TSPEAR: variants seen among roughly 807,000 people sequenced by gnomAD.
TSPEAR encodes thrombospondin type laminin G domain and EAR repeats.
TSPEAR carries 69 observed loss-of-function variants against 71.6 expected under a neutral mutation model. The observed-to-expected ratio is 0.96, with a 90% CI of 0.79 to 1.18. TSPEAR has a LOEUF of 1.18. Among genes scored for constraint, TSPEAR ranks in the 50% most tolerant of loss-of-function variants. The pLI is 0.00. For synonymous variants in TSPEAR, 402 were observed against 387.2 expected (o/e 1.04, Z -0.45); for missense variants, 971 against 894.9 (o/e 1.09, Z -1.09).
intron 1 of TSPEAR, among the ~76,000 whole-genome samples, chr21:44,616,039 G>C (rs1982071094): frequency 6.6e-6 from 1 of 152,210 alleles, no homozygotes; most frequent in Non-Finnish European, 1.5e-5. Context: ...AGGCCACACA[G>C]AGAAGACCAC....
At chr21:44,654,249 C>G in intron 1 of TSPEAR, 3 of 1,588,940 alleles carry the variant, frequency 1.9e-6, no homozygotes, top group Non-Finnish European at 2.6e-6. Context: ...GACCTCGCAC[C>G]TACGAGGGTC....
intron 1 of TSPEAR, chr21:44,601,750 T>C (rs1555928912): frequency 1.2e-6 from 2 of 1,600,526 alleles, no homozygotes; most frequent in Admixed American, 3.4e-5. Context: ...CTCCTTAAGA[T>C]CATCCAAAGC....
rs1315663681 is a variant in TSPEAR at position 44,628,117 on chromosome 21, C to T, written c.83-60112G>A. On this transcript the variant is annotated intron_variant, in intron 1 of 11. Coordinates refer to ENST00000323084, the MANE Select transcript of TSPEAR (RefSeq NM_144991.3). ...CCCTGCCAGTCCTTGGACCTCCCAGCCCACCCAGCCTCAGCACAGCTCAAC... is the reference window on the plus strand; with the variant it reads ...CCCTGCCAGTCCTTGGACCTCCCAGTCCACCCAGCCTCAGCACAGCTCAAC... 9 of 1,550,324 alleles carry T rather than the reference C, an allele frequency of 5.8e-6. No homozygotes were observed. In the African/African-American group the frequency reaches 1.1e-4, roughly 19 times the overall value.
rs1555953655 is a variant in TSPEAR at position 44,711,546 on chromosome 21, C to T, written c.-32G>A. ...CTTGGGTGCCAAGCTCCATCCAGGGCTCCGCTCAGCCTGCAGGGAAGTGGC... is the reference window on the plus strand; with the variant it reads ...CTTGGGTGCCAAGCTCCATCCAGGGTTCCGCTCAGCCTGCAGGGAAGTGGC... On this transcript the variant is annotated 5_prime_UTR_variant, in exon 1 of 12. Coordinates refer to ENST00000323084, the MANE Select transcript of TSPEAR (RefSeq NM_144991.3). The surrounding 1 kb of genome is among the most constrained non-coding windows in gnomAD (Gnocchi z 4.5). The T allele has an allele frequency of 6.3e-7, 1 of 1,595,188 alleles. No individual in the cohort carries two copies. Among genetic ancestry groups the T allele is most frequent in the Non-Finnish European group, 8.5e-7 (1 of 1,170,534 alleles).
chr21:44,590,799 G>A (rs191401352), intron 1 of TSPEAR, among the ~76,000 whole-genome samples: 8,742 of 151,792 alleles, frequency 0.058, 766 homozygotes, highest in African/African-American at 0.2. Context: ...ACTTTGTCCC[G>A]AAACTCCTGG....
chr21:44,531,900 G>A (rs1250839113), intron 3 of TSPEAR, among the ~76,000 whole-genome samples: 6 of 152,354 alleles, frequency 3.9e-5, no homozygotes, highest in East Asian at 1.9e-4. Flanking sequence ...GCTCCTGGGC[G>A]GAAGAGCAGG....
intron 1 of TSPEAR, chr21:44,579,376 A>G (rs1978708928): frequency 7.0e-6 from 2 of 285,104 alleles, no homozygotes; most frequent in South Asian, 1.2e-4. Flanking sequence ...TAAGTCACTC[A>G]TTCATAGAAA....
At chr21:44,697,399 C>T in intron 1 of TSPEAR, 1 of 1,613,680 alleles carries the variant, frequency 6.2e-7, no homozygotes, top group South Asian at 1.1e-5. Context: ...GCCGAGTGAC[C>T]TGTGAGCCCA....
intron 1 of TSPEAR, among the ~76,000 whole-genome samples, chr21:44,649,983 A>G (rs1984679533): frequency 6.6e-6 from 1 of 152,178 alleles, no homozygotes; most frequent in Admixed American, 6.5e-5. Flanking sequence ...GCACCGTGGG[A>G]GGCCGAGGAG....
chr21:44,570,539 C>T (rs782375044), intron 1 of TSPEAR, among the ~76,000 whole-genome samples: 9 of 152,272 alleles, frequency 5.9e-5, no homozygotes, highest in Middle Eastern at 6.8e-3. Context: ...CGTTCACAGC[C>T]TCAGGCACAG....
At chr21:44,661,276 C>A (rs1424390005) in intron 1 of TSPEAR, among the ~76,000 whole-genome samples, 1 of 108,304 alleles carries the variant, frequency 9.2e-6, no homozygotes, top group Admixed American at 9.4e-5. Flanking sequence ...AGTGAGACTC[C>A]GTCTCAAAAA....
chr21:44,646,841 G>C, intron 1 of TSPEAR: 3 of 1,569,100 alleles, frequency 1.9e-6, no homozygotes, highest in Non-Finnish European at 2.6e-6. Context: ...TCGTGCTGCC[G>C]GCAGTCTAGC....
intron 1 of TSPEAR, chr21:44,580,673 C>T: frequency 3.0e-6 from 4 of 1,319,120 alleles, no homozygotes; most frequent in Non-Finnish European, 4.3e-6. Flanking sequence ...GTGAGGTGCT[C>T]AGGGCTGTGG....
chr21:44,545,347 A>C (rs1445960520), intron 2 of TSPEAR, among the ~76,000 whole-genome samples: 1 of 149,220 alleles, frequency 6.7e-6, no homozygotes, highest in Non-Finnish European at 1.5e-5. Flanking sequence ...TAATTAATTA[A>C]AAAAAAAAGA....
chr21:44,596,529 G>C (rs1980381129), intron 1 of TSPEAR, among the ~76,000 whole-genome samples: 1 of 152,186 alleles, frequency 6.6e-6, no homozygotes, highest in South Asian at 2.1e-4. Flanking sequence ...CAGGATGCTT[G>C]CTTAGTGATT....
intron 1 of TSPEAR, among the ~76,000 whole-genome samples, chr21:44,703,842 C>T (rs1601584510): frequency 3.3e-5 from 5 of 152,126 alleles, no homozygotes; most frequent in South Asian, 4.1e-4. Flanking sequence ...CCGCCAGAGC[C>T]GCCTCCTCAC....
At chr21:44,577,175 T>C (rs961079968) in intron 1 of TSPEAR, among the ~76,000 whole-genome samples, 1 of 152,194 alleles carries the variant, frequency 6.6e-6, no homozygotes, top group Non-Finnish European at 1.5e-5. Flanking sequence ...TTTGTTTTAT[T>C]AGAGAAGAAG....
rs142927113 is a variant in TSPEAR at position 44,583,647 on chromosome 21, A to ATAGT, written c.83-15646_83-15643dup. Among the ~76,000 whole-genome samples, 1,229 of 152,344 alleles carry ATAGT rather than the reference A, an allele frequency of 8.1e-3. 15 individuals carry two copies. The highest frequency in any genetic ancestry group is 0.028 in the African/African-American group (1,164 of 41,566). ...GCTTTTCTACTTCTATTTTATGAGT[A>ATAGT]TAGTTAATGATACCCTTTGTAACTT... On this transcript the variant is annotated intron_variant, in intron 1 of 11. Transcript: ENST00000323084.
At chr21:44,656,013 C>T (rs1484745704) in intron 1 of TSPEAR, among the ~76,000 whole-genome samples, 1 of 152,138 alleles carries the variant, frequency 6.6e-6, no homozygotes, top group African/African-American at 2.4e-5. Flanking sequence ...GTCTATGGAC[C>T]CAGAGCCGAT....
Sources: gnomAD v4.1 joint callset for allele counts (sites outside exome capture counted in the v4.1 genomes callset) on GRCh38, gnomAD v4.1.1 for gene constraint, Gnocchi (gnomAD v3.1) non-coding constraint, MANE v1.5 for transcripts, NCBI Gene and HGNC (gene_info 2026-07-23, HGNC 2026-07-21) for gene names.